PLSCR2: variants seen among roughly 807,000 people sequenced by gnomAD.
The protein encoded by PLSCR2 is PL scramblase 2.
A neutral mutation model predicts 25.3 loss-of-function variants in PLSCR2; 18 were observed. That is an observed-to-expected ratio of 0.71 (90% CI 0.49 to 1.06). The LOEUF is 1.06. Among genes scored for constraint, PLSCR2 ranks in the 50% least tolerant of loss-of-function variants. PLSCR2 has a pLI of 0.00. For missense variants in PLSCR2, 243 were observed against 269.5 expected (o/e 0.90, Z 0.69); for synonymous variants, 88 against 87.3 (o/e 1.01, Z -0.04).
chr3:146,393,853 T>C (rs2038182653), intron 3 of PLSCR2, among the ~76,000 whole-genome samples: 1 of 150,816 alleles, frequency 6.6e-6, no homozygotes, highest in Admixed American at 6.6e-5. Context: ...AATCAACTTA[T>C]TCATTTTGTT....
downstream of PLSCR2, among the ~76,000 whole-genome samples, chr3:146,439,681 T>C (rs1346516972): frequency 6.6e-6 from 1 of 152,170 alleles, no homozygotes; most frequent in African/African-American, 2.4e-5. Flanking sequence ...TAATCTATTT[T>C]CAAGGTTTTT....
At chr3:146,404,822 G>GGT (rs1179140766) in intron 2 of PLSCR2, among the ~76,000 whole-genome samples, 4 of 72,208 alleles carry the variant, frequency 5.5e-5, no homozygotes, top group South Asian at 7.6e-4. Flanking sequence ...AAAAAAAAAA[G>GGT]GGGGGGGGTG....
chr3:146,490,962 T>C lies in PLSCR2; in HGVS notation c.-293+4933A>G, dbSNP rs76386836. Among the ~76,000 whole-genome samples, 1,070 of 152,240 alleles carry C rather than the reference T, an allele frequency of 7.0e-3. 8 individuals carry two copies. The highest frequency in any genetic ancestry group is 0.019 in the South Asian group (90 of 4,824). On this transcript the variant is annotated intron_variant, in intron 1 of 8. Coordinates refer to the PLSCR2 transcript ENST00000336685. Reference sequence around the variant, plus strand: ...AGTGTCAGTGGGCTATGCACTTAAGTATGTTTTTGTGGAGACAGCTACAGT... The same window carrying C: ...AGTGTCAGTGGGCTATGCACTTAAGCATGTTTTTGTGGAGACAGCTACAGT...
chr3:146,440,635 A>G (rs181266189), downstream of PLSCR2, among the ~76,000 whole-genome samples: 35 of 152,154 alleles, frequency 2.3e-4, no homozygotes, highest in Admixed American at 2.0e-3. Context: ...GAAATCATCC[A>G]TCTTCTGGGT....
intron 1 of PLSCR2, among the ~76,000 whole-genome samples, chr3:146,493,783 G>GTTTTTTTTTTTTT (rs34986699): frequency 3.7e-5 from 2 of 54,770 alleles, no homozygotes; most frequent in African/African-American, 7.2e-5. Context: ...CCAAGGTGGC[G>GTTTTTTTTTTTTT]TTTTTTTTTT....
intron 2 of PLSCR2, among the ~76,000 whole-genome samples, chr3:146,425,329 T>TC (rs1156384325): frequency 6.6e-6 from 1 of 152,122 alleles, no homozygotes; most frequent in Non-Finnish European, 1.5e-5. Context: ...ACGTGGCACT[T>TC]CTGGAAGAAG....
In PLSCR2 at chr3:146,427,671, C is replaced by A. The variant is rs376766593; in HGVS notation, c.100+30740G>T. ...AATTCTCTTGTGCTGAGCAAACTTT[C>A]TGTCTTAGTTTAAAAGTCACCACCC... On this transcript the variant is annotated intron_variant and NMD_transcript_variant, in intron 2 of 3. Coordinates refer to the PLSCR2 transcript ENST00000463633. Among the ~76,000 whole-genome samples the A allele has an allele frequency of 3.4e-4, 52 of 152,280 alleles. No homozygotes were observed. The South Asian group carries it at 9.9e-3, about 29-fold the overall frequency.
chr3:146,469,919 C>A (rs1473826283), intron 1 of PLSCR2, among the ~76,000 whole-genome samples: 2 of 152,058 alleles, frequency 1.3e-5, no homozygotes, highest in Non-Finnish European at 2.9e-5. Flanking sequence ...TGAACTGGGA[C>A]GTCGACACCA....
chr3:146,460,162 A>C (rs2108410794), intron 1 of PLSCR2, 79 bp from the exon 2 acceptor site: 1 of 1,386,352 alleles, frequency 7.2e-7, no homozygotes, highest in East Asian at 2.5e-5. Flanking sequence ...CCAGTTATCT[A>C]CAAACTGACC....
intron 1 of PLSCR2, among the ~76,000 whole-genome samples, chr3:146,470,415 T>G (rs1355660275): frequency 6.6e-6 from 1 of 151,924 alleles, no homozygotes; most frequent in African/African-American, 2.4e-5. Flanking sequence ...TGTGGTGGTG[T>G]GCCCCTGTAA....
At chr3:146,417,167 T>C (rs2039025210) in intron 2 of PLSCR2, among the ~76,000 whole-genome samples, 1 of 152,178 alleles carries the variant, frequency 6.6e-6, no homozygotes, top group Non-Finnish European at 1.5e-5. Flanking sequence ...TTCCTTAGGT[T>C]GCTCAGAATA....
exon 1 of PLSCR2, chr3:146,460,208 G>A: frequency 7.2e-7 from 1 of 1,387,998 alleles, no homozygotes; most frequent in Non-Finnish European, 9.3e-7. Flanking sequence ...TGAAGCTTGA[G>A]GTATGTTTTT....
At chr3:146,435,401 G>C (rs2039781400) in intron 8 of PLSCR2, among the ~76,000 whole-genome samples, 1 of 152,194 alleles carries the variant, frequency 6.6e-6, no homozygotes, top group African/African-American at 2.4e-5. Flanking sequence ...GTGTAAAACT[G>C]TTCCTATTTC....
chr3:146,449,519 G>C (rs147929229), intron 5 of PLSCR2, 152 bp from the exon 6 acceptor site: 5 of 475,738 alleles, frequency 1.1e-5, no homozygotes, highest in Non-Finnish European at 1.8e-5. Flanking sequence ...ATGCATATAG[G>C]CTCCTGTATA....
intron 2 of PLSCR2, among the ~76,000 whole-genome samples, chr3:146,408,984 C>T (rs2038751857): frequency 6.6e-6 from 1 of 152,166 alleles, no homozygotes; most frequent in Non-Finnish European, 1.5e-5. Flanking sequence ...TCTTCGGATA[C>T]ATTTCCTCTC....
upstream of PLSCR2, among the ~76,000 whole-genome samples, chr3:146,462,149 A>G (rs1355360525): frequency 3.9e-5 from 6 of 152,042 alleles, no homozygotes; most frequent in Admixed American, 3.9e-4. Flanking sequence ...CTAAAACAAT[A>G]CAGTCACATT....
At chr3:146,483,704 C>T (rs546407) in intron 1 of PLSCR2, among the ~76,000 whole-genome samples, 34,293 of 150,404 alleles carry the variant, frequency 0.23, 3,977 homozygotes, top group South Asian at 0.34. Context: ...AGGGGCCTGA[C>T]TGTTGAAAGA....
intron 5 of PLSCR2, 145 bp from the exon 6 acceptor site, chr3:146,449,512 C>T (rs1038777961): frequency 8.2e-6 from 4 of 490,196 alleles, no homozygotes; most frequent in Non-Finnish European, 1.4e-5. Flanking sequence ...ATATTAGATG[C>T]ATATAGGCTC....
At chr3:146,438,813 CATT>C (rs1559997417), downstream of PLSCR2, among the ~76,000 whole-genome samples, 2 of 152,100 alleles carry the variant, frequency 1.3e-5, no homozygotes, top group African/African-American at 4.8e-5. Context: ...TTGAACCTGT[CATT>C]ATGATGTTAG....
Sources: allele counts gnomAD v4.1 joint callset (sites outside exome capture counted in the v4.1 genomes callset), GRCh38; gene constraint gnomAD v4.1.1; transcripts MANE v1.5; gene names NCBI Gene and HGNC (gene_info 2026-07-23, HGNC 2026-07-21).